Variants in CDH13 observed in about 807,000 individuals in gnomAD.
CDH13 encodes cadherin 13, also known as cadherin-13.
A neutral mutation model predicts 63.8 loss-of-function variants in CDH13; 24 were observed. The ratio of observed to expected loss-of-function variants is 0.38; its 90% confidence interval spans 0.27 to 0.53. The LOEUF (loss-of-function observed/expected upper bound fraction) is 0.53. Ranked by LOEUF, CDH13 falls within the 20% of genes least tolerant of loss-of-function variation. CDH13 has a pLI of 0.85. For synonymous variants in CDH13, 503 were observed against 355.3 expected (o/e 1.42, Z -4.67); for missense variants, 1,049 against 903.1 (o/e 1.16, Z -2.07).
At chr16:82,944,585 A>C (rs1229431591) in intron 2 of CDH13, among the ~76,000 whole-genome samples, 1 of 152,140 alleles carries the variant, frequency 6.6e-6, no homozygotes, top group African/African-American at 2.4e-5. Flanking sequence ...CTAGTGGGTG[A>C]AGGCCAGGGG....
At chr16:83,665,046 A>G (rs571292279) in intron 8 of CDH13, among the ~76,000 whole-genome samples, 2 of 152,246 alleles carry the variant, frequency 1.3e-5, no homozygotes, top group African/African-American at 4.8e-5. Context: ...ATAGAAGAAA[A>G]CCAGATATCT....
rs116943600 is a variant in CDH13 at position 83,795,009 on chromosome 16, C to T, written c.2135-14C>T. Reference sequence around the variant, plus strand: ...GTGATATTCCCGACTTAACTCTGAACCCTCTCTATTCAGGTCTGTGAGAAC... The same window carrying T: ...GTGATATTCCCGACTTAACTCTGAATCCTCTCTATTCAGGTCTGTGAGAAC... On this transcript the variant is annotated splice_polypyrimidine_tract_variant and intron_variant, in intron 13 of 13. Coordinates refer to ENST00000567109, the MANE Select transcript of CDH13 (RefSeq NM_001257.5). 163 of 1,594,396 alleles carry T rather than the reference C, an allele frequency of 1.0e-4. No individual in the cohort carries two copies. Among genetic ancestry groups the T allele is most frequent in the Non-Finnish European group, 1.3e-4 (147 of 1,169,840 alleles).
rs556933021 is a variant in CDH13 at position 82,859,113 on chromosome 16, G to T, written c.157+640G>T. 3.3e-5 allele frequency: 5 copies of T among 152,328 alleles called. No homozygotes were observed. In the South Asian group the frequency reaches 1.0e-3, roughly 32 times the overall value. 9.4% of individuals were successfully genotyped at this position (152,328 alleles called of 1,614,324 possible). ...TATTATATTGCTTTATCTTTAAGAA[G>T]TGTTAGGGTACATTGCTAAATGCAT... On this transcript the variant is annotated intron_variant, in intron 2 of 13. Coordinates refer to ENST00000567109, the MANE Select transcript of CDH13 (RefSeq NM_001257.5).
chr16:83,731,708 C>CA (rs1911059693), intron 10 of CDH13, among the ~76,000 whole-genome samples: 1 of 152,176 alleles, frequency 6.6e-6, no homozygotes, highest in Non-Finnish European at 1.5e-5. Context: ...GGTCAATGTG[C>CA]AGAATGCTAT....
chr16:82,731,616 A>C (rs1457447820), intron 1 of CDH13, among the ~76,000 whole-genome samples: 1 of 152,228 alleles, frequency 6.6e-6, no homozygotes, highest in Non-Finnish European at 1.5e-5. Flanking sequence ...ATTTAAATGG[A>C]AATGGCAATC....
chr16:83,081,065 C>T (rs146576934), intron 3 of CDH13, among the ~76,000 whole-genome samples: 1 of 151,166 alleles, frequency 6.6e-6, no homozygotes, highest in Non-Finnish European at 1.5e-5. Context: ...ATTTTTAGTA[C>T]AGACGGGGTT....
At chr16:82,805,187 T>C (rs1419455532) in intron 1 of CDH13, among the ~76,000 whole-genome samples, 5 of 152,146 alleles carry the variant, frequency 3.3e-5, no homozygotes, top group Admixed American at 6.5e-5. Flanking sequence ...TTCTCTCTAA[T>C]AGGACTGTGC....
intron 6 of CDH13, among the ~76,000 whole-genome samples, chr16:83,450,812 G>A (rs59029619): frequency 0.19 from 29,259 of 152,106 alleles, 3,174 homozygotes; most frequent in Non-Finnish European, 0.24. Flanking sequence ...GGAGCTTGCC[G>A]TGAGCCGAGA....
intron 6 of CDH13, among the ~76,000 whole-genome samples, chr16:83,352,447 C>T (rs1298045439): frequency 6.6e-6 from 1 of 152,042 alleles, no homozygotes; most frequent in Non-Finnish European, 1.5e-5. Flanking sequence ...CCATTTAATC[C>T]AGCAATCCTG....
In CDH13 at chr16:82,789,901, A is replaced by C. The variant is rs1307231873; in HGVS notation, c.46-68461A>C. Among the ~76,000 whole-genome samples, 4 of 152,232 alleles carry C rather than the reference A, an allele frequency of 2.6e-5. No homozygotes were observed. The South Asian group carries it at 8.3e-4, about 32-fold the overall frequency. On this transcript the variant is annotated intron_variant, in intron 1 of 13. Coordinates refer to ENST00000567109, the MANE Select transcript of CDH13 (RefSeq NM_001257.5). ...ATTGTGGGCACGCTCCTGCGGAGGAAGAATCAGGGTGGTGAGGCAATTAGT... is the reference window on the plus strand; with the variant it reads ...ATTGTGGGCACGCTCCTGCGGAGGACGAATCAGGGTGGTGAGGCAATTAGT...
intron 5 of CDH13, among the ~76,000 whole-genome samples, chr16:83,295,870 G>A (rs2089582812): frequency 6.6e-5 from 10 of 152,154 alleles, no homozygotes; most frequent in Admixed American, 6.5e-4. Context: ...CTGCACTTCT[G>A]TATGTATTGC....
chr16:82,943,039 C>T (rs527587208), intron 2 of CDH13, among the ~76,000 whole-genome samples: 1 of 152,326 alleles, frequency 6.6e-6, no homozygotes, highest in South Asian at 2.1e-4. Flanking sequence ...TATGACAGCT[C>T]TGCCTTAGCA....
chr16:83,557,074 A>T (rs1293507570), intron 7 of CDH13, among the ~76,000 whole-genome samples: 2 of 152,188 alleles, frequency 1.3e-5, no homozygotes, highest in East Asian at 3.9e-4. Context: ...CATTGCTCCC[A>T]TTACTTCCTG....
intron 6 of CDH13, among the ~76,000 whole-genome samples, chr16:83,392,642 C>T (rs1384693539): frequency 2.0e-5 from 3 of 152,164 alleles, no homozygotes; most frequent in African/African-American, 4.8e-5. Context: ...TCATCTGGGA[C>T]CACGTCTTCC....
rs1302473732 is a variant in CDH13 at position 82,680,202 on chromosome 16, G to C, written c.45+53065G>C. Among the ~76,000 whole-genome samples, 4 of 152,248 alleles carry C rather than the reference G, an allele frequency of 2.6e-5. 1 individual carries two copies. Among genetic ancestry groups the C allele is most frequent in the Admixed American group, 2.6e-4 (4 of 15,286 alleles). ...CATGAGCAGCTGATAAAGACCAAGAGAGGGGAATGTGGGGCCTGGTCTAAT... is the reference window on the plus strand; with the variant it reads ...CATGAGCAGCTGATAAAGACCAAGACAGGGGAATGTGGGGCCTGGTCTAAT... On this transcript the variant is annotated intron_variant, in intron 1 of 13. Transcript: ENST00000567109.
chr16:83,564,292 A>G (rs891832867), intron 7 of CDH13, among the ~76,000 whole-genome samples: 3 of 152,068 alleles, frequency 2.0e-5, no homozygotes, highest in African/African-American at 4.8e-5. Flanking sequence ...TAATCAGGGA[A>G]CAATTGGGTA....
At chr16:83,249,205 C>G (rs1402296101) in intron 5 of CDH13, among the ~76,000 whole-genome samples, 3 of 152,164 alleles carry the variant, frequency 2.0e-5, no homozygotes, top group Non-Finnish European at 4.4e-5. Context: ...ATTTATTGAC[C>G]AGACTAAGGA....
chr16:83,109,081 T>C (rs1477672880), intron 3 of CDH13, among the ~76,000 whole-genome samples: 1 of 152,212 alleles, frequency 6.6e-6, no homozygotes, highest in Non-Finnish European at 1.5e-5. Context: ...ACTAAGAGTA[T>C]TGAGGTCCTG....
chr16:83,654,326 G>A (rs376020542), intron 8 of CDH13, among the ~76,000 whole-genome samples: 3 of 152,178 alleles, frequency 2.0e-5, no homozygotes, highest in Admixed American at 6.5e-5. Flanking sequence ...GCACCCTCAC[G>A]TGGTGGGGTT....
Sources: allele counts gnomAD v4.1 joint callset (sites outside exome capture counted in the v4.1 genomes callset), GRCh38; gene constraint gnomAD v4.1.1; transcripts MANE v1.5; gene names NCBI Gene and HGNC (gene_info 2026-07-23, HGNC 2026-07-21).